The following MIPEP variants were observed in gnomAD, a reference collection of about 807,000 sequenced individuals.
The protein encoded by MIPEP is mitochondrial intermediate peptidase.
A neutral mutation model predicts 90.3 loss-of-function variants in MIPEP; 79 were observed. The observed-to-expected ratio is 0.87, with a 90% CI of 0.73 to 1.05. The LOEUF (loss-of-function observed/expected upper bound fraction) is 1.05. Ranked by LOEUF, MIPEP falls within the 50% of genes least tolerant of loss-of-function variation. The pLI is 0.00. For synonymous variants in MIPEP, 334 were observed against 315.8 expected (o/e 1.06, Z -0.61); for missense variants, 940 against 905.6 (o/e 1.04, Z -0.49).
intron 17 of MIPEP, among the ~76,000 whole-genome samples, chr13:23,759,784 C>G (rs1318647325): frequency 6.6e-6 from 1 of 152,188 alleles, no homozygotes; most frequent in Non-Finnish European, 1.5e-5. Flanking sequence ...AGAAAACCCA[C>G]AGGAGCAGCA....
intron 18 of MIPEP, among the ~76,000 whole-genome samples, chr13:23,747,169 G>A (rs556388749): frequency 2.4e-4 from 37 of 152,282 alleles, no homozygotes; most frequent in Non-Finnish European, 4.7e-4. Context: ...GAGATGACAC[G>A]ACCCACCAGA....
At chr13:23,782,508 G>T (rs543320160) in intron 16 of MIPEP, among the ~76,000 whole-genome samples, 63 of 152,254 alleles carry the variant, frequency 4.1e-4, no homozygotes, top group African/African-American at 1.5e-3. Context: ...AAGCAGGAAA[G>T]ATCTAAAAAT....
intron 18 of MIPEP, among the ~76,000 whole-genome samples, chr13:23,737,561 A>G (rs971717781): frequency 6.6e-6 from 1 of 152,254 alleles, no homozygotes; most frequent in South Asian, 2.1e-4. Flanking sequence ...GTTCAAATAT[A>G]TATGTGTACA....
chr13:23,876,372 C>A (rs1202485520), intron 4 of MIPEP, among the ~76,000 whole-genome samples: 2 of 152,138 alleles, frequency 1.3e-5, no homozygotes, highest in Non-Finnish European at 2.9e-5. Flanking sequence ...CTTTTTATTT[C>A]CGTTTTACAA....
intron 9 of MIPEP, among the ~76,000 whole-genome samples, chr13:23,861,490 A>T (rs1870303171): frequency 6.6e-6 from 1 of 152,174 alleles, no homozygotes; most frequent in Non-Finnish European, 1.5e-5. Context: ...TACTCTACAC[A>T]TCGCTGAGTT....
intron 14 of MIPEP, among the ~76,000 whole-genome samples, chr13:23,831,383 C>CCGGGGGGGG (rs58008469): frequency 2.7e-4 from 11 of 40,884 alleles, no homozygotes; most frequent in East Asian, 1.9e-3. Flanking sequence ...TTCCCCATGG[C>CCGGGGGGGG]GGGGGGGGGA....
intron 16 of MIPEP, among the ~76,000 whole-genome samples, chr13:23,790,409 C>CA (rs1325024433): frequency 5.3e-5 from 8 of 152,214 alleles, no homozygotes. Context: ...CCCTCTCCTC[C>CA]AAAGATGTCC....
At chr13:23,739,771 T>C (rs1430906864) in intron 18 of MIPEP, among the ~76,000 whole-genome samples, 2 of 151,770 alleles carry the variant, frequency 1.3e-5, no homozygotes, top group Non-Finnish European at 2.9e-5. Context: ...CTGACTCCAC[T>C]TCAGACTGAA....
chr13:23,772,055 C>A (rs181362895), intron 16 of MIPEP, among the ~76,000 whole-genome samples: 4 of 152,162 alleles, frequency 2.6e-5, no homozygotes, highest in South Asian at 2.1e-4. Flanking sequence ...ACTGCCCCCC[C>A]ACTTCCCATG....
chr13:23,771,258 G>A (rs904245165), intron 16 of MIPEP, among the ~76,000 whole-genome samples: 3 of 152,156 alleles, frequency 2.0e-5, no homozygotes, highest in Non-Finnish European at 2.9e-5. Flanking sequence ...GCTGGTCCTC[G>A]GGATGGTCCA....
At chr13:23,874,351 CA>C (rs1321728134) in intron 5 of MIPEP, among the ~76,000 whole-genome samples, 1 of 151,734 alleles carries the variant, frequency 6.6e-6, no homozygotes, top group Non-Finnish European at 1.5e-5. Flanking sequence ...GCAACTTGAA[CA>C]AATCACTTTG....
At chr13:23,832,747 T>A (rs1868830620) in intron 14 of MIPEP, among the ~76,000 whole-genome samples, 1 of 140,866 alleles carries the variant, frequency 7.1e-6, no homozygotes, top group Non-Finnish European at 1.6e-5. Flanking sequence ...CCATGTTAAG[T>A]TTATTATGTC....
At position 23,809,830 on chromosome 13, in the gene MIPEP, G is replaced by A; in HGVS notation, c.1728+20C>T. ...GGGATAATGACTCCGGAAAACTTCA[G>A]AACAAAGGTACATACATACCTGAAG... On this transcript the variant is annotated intron_variant, in intron 15 of 18. Coordinates refer to ENST00000382172, the MANE Select transcript of MIPEP (RefSeq NM_005932.4). 1 of 1,564,602 alleles carries A rather than the reference G, an allele frequency of 6.4e-7. No homozygotes were observed. The highest frequency in any genetic ancestry group is 8.8e-7 in the Non-Finnish European group (1 of 1,139,880).
chr13:23,798,383 A>G (rs1240938539), intron 16 of MIPEP, among the ~76,000 whole-genome samples: 1 of 152,216 alleles, frequency 6.6e-6, no homozygotes, highest in Non-Finnish European at 1.5e-5. Context: ...ACCAGTCTCC[A>G]GTAGCAGCAA....
At chr13:23,778,625 A>C (rs1323780909) in intron 16 of MIPEP, among the ~76,000 whole-genome samples, 1 of 152,102 alleles carries the variant, frequency 6.6e-6, no homozygotes, top group Non-Finnish European at 1.5e-5. Flanking sequence ...TGTGCAACTG[A>C]TTTTATTTAT....
intron 9 of MIPEP, 23 bp downstream of exon 9, chr13:23,862,279 T>C (rs1870342005): frequency 7.1e-7 from 1 of 1,404,362 alleles, no homozygotes; most frequent in Admixed American, 1.9e-5. Flanking sequence ...TATATTATAA[T>C]AAAAATATTC....
Position 23,830,879 on chromosome 13 carries a change from T to C in MIPEP, c.1653+5361A>G, listed in dbSNP as rs141381539. Among the ~76,000 whole-genome samples, 10 of 152,276 alleles carry C rather than the reference T, an allele frequency of 6.6e-5. No homozygotes were observed. In the East Asian group the frequency reaches 1.9e-3, roughly 29 times the overall value. On this transcript the variant is annotated intron_variant, in intron 14 of 18. Transcript: ENST00000382172. ...TCACTGTAAAACAGGCCCTCCAAAATTGATCAAACACACTGGGACTGGCAG... is the reference window on the plus strand; with the variant it reads ...TCACTGTAAAACAGGCCCTCCAAAACTGATCAAACACACTGGGACTGGCAG...
rs542353421 is a variant in MIPEP, at chr13:23,734,404, C to T, written c.2045-3959G>A. On this transcript the variant is annotated intron_variant, in intron 18 of 18. Transcript: ENST00000382172. ...TCATCGGAGCCACATCATTTTGGTG[C>T]GTTGGCCGAGAAAGGAAATTCATTC... 2.0e-4 allele frequency among the ~76,000 whole-genome samples: 30 copies of T among 152,248 alleles called. 1 individual carries two copies. In the South Asian group the frequency reaches 2.5e-3, roughly 13 times the overall value.
At chr13:23,817,345 A>G (rs1471655144) in intron 14 of MIPEP, among the ~76,000 whole-genome samples, 1 of 152,224 alleles carries the variant, frequency 6.6e-6, no homozygotes, top group African/African-American at 2.4e-5. Context: ...TATGACAGAC[A>G]GCATAGCTGA....
Sources: gnomAD v4.1 joint callset for allele counts (sites outside exome capture counted in the v4.1 genomes callset) on GRCh38, gnomAD v4.1.1 for gene constraint, MANE v1.5 for transcripts, NCBI Gene and HGNC (gene_info 2026-07-23, HGNC 2026-07-21) for gene names.